Variants in SOX5 observed in about 807,000 individuals in gnomAD.
SOX5 encodes the protein SRY-box transcription factor 5.
A neutral mutation model predicts 92.0 loss-of-function variants in SOX5; 9 were observed. The observed-to-expected ratio is 0.10, with a 90% CI of 0.06 to 0.17. SOX5 has a LOEUF of 0.17. SOX5 is among the 10% of genes least tolerant of loss of function. The probability of loss-of-function intolerance (pLI) is 1.00; values close to 1 mark genes in which losing one functional copy is unlikely to be tolerated. For missense variants in SOX5, 642 were observed against 944.5 expected (o/e 0.68, Z 4.20); for synonymous variants, 344 against 336.3 (o/e 1.02, Z -0.25).
At chr12:23,998,275 T>G (rs1951228922) in intron 4 of SOX5, among the ~76,000 whole-genome samples, 1 of 151,964 alleles carries the variant, frequency 6.6e-6, no homozygotes, top group Non-Finnish European at 1.5e-5. Context: ...ATTCTAAAGT[T>G]GAAAAAATAC....
chr12:23,939,481 T>A (rs1466146439), intron 1 of SOX5, among the ~76,000 whole-genome samples: 1 of 150,992 alleles, frequency 6.6e-6, no homozygotes, highest in Non-Finnish European at 1.5e-5. Context: ...ATCTACATCA[T>A]AATTATTCTG....
At chr12:24,060,039 T>C (rs762407623) in intron 4 of SOX5, among the ~76,000 whole-genome samples, 1 of 152,220 alleles carries the variant, frequency 6.6e-6, no homozygotes, top group Non-Finnish European at 1.5e-5. Context: ...CATAGATACA[T>C]AAGTCCAGTT....
At chr12:23,757,004 G>A (rs763181826) in intron 3 of SOX5, among the ~76,000 whole-genome samples, 1 of 151,720 alleles carries the variant, frequency 6.6e-6, no homozygotes, top group Non-Finnish European at 1.5e-5. Context: ...ACAAAGCAGA[G>A]GTGCAATTTT....
chr12:23,818,829 A>T (rs1341750972), intron 3 of SOX5, among the ~76,000 whole-genome samples: 1 of 152,108 alleles, frequency 6.6e-6, no homozygotes, highest in East Asian at 1.9e-4. Flanking sequence ...TTTGTTAAAC[A>T]CTAAGAAACA....
At chr12:24,458,079 T>C (rs35693770) in intron 1 of SOX5, among the ~76,000 whole-genome samples, 14,274 of 152,232 alleles carry the variant, frequency 0.094, 734 homozygotes, top group South Asian at 0.16. Context: ...AATATTTGTA[T>C]TGTGCATGTG....
intron 1 of SOX5, among the ~76,000 whole-genome samples, chr12:24,462,134 C>T (rs755918183): frequency 1.3e-5 from 2 of 152,200 alleles, no homozygotes; most frequent in Admixed American, 6.5e-5. Flanking sequence ...AGTGTACTTA[C>T]ACAAACCTAG....
At chr12:24,174,975 T>A (rs1466069033) in intron 4 of SOX5, among the ~76,000 whole-genome samples, 1 of 152,186 alleles carries the variant, frequency 6.6e-6, no homozygotes, top group East Asian at 1.9e-4. Context: ...CTTCTGGAAG[T>A]TCATGTACAG....
At chr12:24,132,695 T>C (rs1017682354) in intron 4 of SOX5, among the ~76,000 whole-genome samples, 1 of 152,140 alleles carries the variant, frequency 6.6e-6, no homozygotes, top group Non-Finnish European at 1.5e-5. Context: ...TTCTAAATAT[T>C]TGAATTCTAG....
At chr12:24,295,347 G>A (rs1173266566) in intron 2 of SOX5, among the ~76,000 whole-genome samples, 1 of 152,084 alleles carries the variant, frequency 6.6e-6, no homozygotes, top group African/African-American at 2.4e-5. Flanking sequence ...TCTATTCAAA[G>A]TCTTTGTTGC....
intron 3 of SOX5, among the ~76,000 whole-genome samples, chr12:24,264,665 G>A (rs1190563136): frequency 6.6e-6 from 1 of 152,112 alleles, no homozygotes. Flanking sequence ...AAAAGTGTGG[G>A]GAAAAGGTGG....
At chr12:24,440,805 A>C (rs971474340) in intron 1 of SOX5, among the ~76,000 whole-genome samples, 1 of 152,214 alleles carries the variant, frequency 6.6e-6, no homozygotes, top group African/African-American at 2.4e-5. Context: ...TCAATCTCCC[A>C]GACAATCCTA....
chr12:24,015,507 C>T (rs932051208), intron 4 of SOX5, among the ~76,000 whole-genome samples: 1 of 152,062 alleles, frequency 6.6e-6, no homozygotes, highest in Non-Finnish European at 1.5e-5. Flanking sequence ...CATTATTGTT[C>T]GCCTCTTGTT....
intron 4 of SOX5, among the ~76,000 whole-genome samples, chr12:24,054,788 G>A (rs148626454): frequency 1.3e-5 from 2 of 152,344 alleles, no homozygotes; most frequent in Non-Finnish European, 2.9e-5. Flanking sequence ...GTCTTAAGAC[G>A]TTCTATGAAA....
At chr12:23,872,824 A>G (rs1442968943) in intron 2 of SOX5, among the ~76,000 whole-genome samples, 5 of 152,194 alleles carry the variant, frequency 3.3e-5, no homozygotes, top group African/African-American at 1.2e-4. Flanking sequence ...ACTACGCAAG[A>G]AAAGGAGGCA....
rs78845791 is a variant in SOX5, at chr12:24,436,434, C to T, written c.-250-67795G>A. 3.1e-3 allele frequency among the ~76,000 whole-genome samples: 468 copies of T among 152,286 alleles called. 1 individual carries two copies. The highest frequency in any genetic ancestry group is 0.01 in the African/African-American group (432 of 41,556). ...ATAAAAAAAATCAAACCAGCCACAA[C>T]GTATTCCCTTAACCCAAAGCCTAAT... On this transcript the variant is annotated intron_variant, in intron 1 of 4. Coordinates refer to the SOX5 transcript ENST00000446891.
At chr12:24,366,434 G>A (rs1048977012) in intron 2 of SOX5, among the ~76,000 whole-genome samples, 3 of 152,084 alleles carry the variant, frequency 2.0e-5, no homozygotes, top group Non-Finnish European at 4.4e-5. Context: ...TTTTCAGCTT[G>A]AAGCCTGAGA....
At chr12:24,530,334 G>A (rs140650613) in intron 1 of SOX5, among the ~76,000 whole-genome samples, 71 of 152,238 alleles carry the variant, frequency 4.7e-4, no homozygotes, top group Non-Finnish European at 7.1e-4. Flanking sequence ...TGATGTCGTC[G>A]GATCCTCTCC....
intron 2 of SOX5, among the ~76,000 whole-genome samples, chr12:23,856,690 A>G (rs1007574309): frequency 6.6e-6 from 1 of 152,098 alleles, no homozygotes; most frequent in African/African-American, 2.4e-5. Context: ...TCTCTCTTCA[A>G]AGAGTTTAAA....
intron 6 of SOX5, among the ~76,000 whole-genome samples, chr12:23,679,319 G>T (rs1471163981): frequency 6.6e-6 from 1 of 152,076 alleles, no homozygotes; most frequent in Non-Finnish European, 1.5e-5. Context: ...AGTTTAAAAA[G>T]AAAATCTGGC....
Sources: gnomAD v4.1 joint callset for allele counts (sites outside exome capture counted in the v4.1 genomes callset) on GRCh38, gnomAD v4.1.1 for gene constraint, MANE v1.5 for transcripts, NCBI Gene and HGNC (gene_info 2026-07-23, HGNC 2026-07-21) for gene names.